FAM184B: variants seen among roughly 807,000 people sequenced by gnomAD.
The protein encoded by FAM184B is protein FAM184B.
Under a neutral mutation model 135.9 loss-of-function variants are expected in FAM184B, and 111 were observed. That is an observed-to-expected ratio of 0.82 (90% confidence interval 0.70 to 0.96). The LOEUF (loss-of-function observed/expected upper bound fraction) is 0.96. Among genes scored for constraint, FAM184B ranks in the 40% least tolerant of loss-of-function variants. The pLI is 0.00. For synonymous variants in FAM184B, 552 were observed against 524.8 expected (o/e 1.05, Z -0.71); for missense variants, 1,375 against 1,323.9 (o/e 1.04, Z -0.60).
chr4:17,750,063 T>G (rs1051817798), intron 1 of FAM184B, among the ~76,000 whole-genome samples: 1 of 152,238 alleles, frequency 6.6e-6, no homozygotes, highest in Non-Finnish European at 1.5e-5. Flanking sequence ...AAGATCTGCA[T>G]TAAAGCTTTT....
intron 1 of FAM184B, among the ~76,000 whole-genome samples, chr4:17,718,622 G>A (rs1032474733): frequency 6.6e-6 from 1 of 152,206 alleles, no homozygotes; most frequent in Non-Finnish European, 1.5e-5. Context: ...GGGAATGTGA[G>A]TGGACTTGTT....
At chr4:17,675,906 G>A (rs895869723) in intron 7 of FAM184B, among the ~76,000 whole-genome samples, 30 of 152,290 alleles carry the variant, frequency 2.0e-4, no homozygotes, top group Admixed American at 5.2e-4. Context: ...GAATGTTGTG[G>A]CTGGTTTGAT....
In FAM184B at chr4:17,717,326, G is replaced by C. The variant is rs796904971; in HGVS notation, c.142-7682C>G. Among the ~76,000 whole-genome samples the C allele has an allele frequency of 9.7e-4, 148 of 152,266 alleles. 1 individual carries two copies. The highest frequency in any genetic ancestry group is 3.2e-3 in the African/African-American group (135 of 41,546). Reference sequence around the variant, plus strand: ...TCCAAAGGAAAGGTCCCATGTTTTAGAGACACAATCTCCTCCAACTTGTTC... The same window carrying C: ...TCCAAAGGAAAGGTCCCATGTTTTACAGACACAATCTCCTCCAACTTGTTC... On this transcript the variant is annotated intron_variant, in intron 1 of 17. Transcript: ENST00000265018.
At chr4:17,673,506 G>A (rs930256877) in intron 7 of FAM184B, among the ~76,000 whole-genome samples, 1 of 152,112 alleles carries the variant, frequency 6.6e-6, no homozygotes, top group Non-Finnish European at 1.5e-5. Flanking sequence ...CAAAAATGTG[G>A]AACCAACCCA....
At position 17,748,993 on chromosome 4, in the gene FAM184B, A is replaced by ATT. The variant is rs35520026; in HGVS notation, c.141+32164_141+32165dup. Among the ~76,000 whole-genome samples, 448 of 128,178 alleles carry ATT rather than the reference A, an allele frequency of 3.5e-3. 1 individual carries two copies. The highest frequency in any genetic ancestry group is 0.012 in the African/African-American group (399 of 33,846). 84.1% of individuals were successfully genotyped at this position (128,178 alleles called of 152,430 possible). A position where few individuals can be genotyped will look rare whatever the true frequency, so the allele number is the denominator to read the frequency against. On this transcript the variant is annotated intron_variant, in intron 1 of 17. Coordinates refer to ENST00000265018, the MANE Select transcript of FAM184B (RefSeq NM_015688.2). The stretch of plus-strand genomic sequence containing the variant: ...AGGTGCTTGCCAGCACACCCAGCTA[A>ATT]TTTTTTTTTTTTTTTTTTTTTTAAG...
At position 17,709,143 on chromosome 4, in the gene FAM184B, C is replaced by T. The variant is rs1281355068; in HGVS notation, c.643G>A (p.Ala215Thr). The T allele has an allele frequency of 6.5e-7, 1 of 1,548,370 alleles. No homozygotes were observed. Among genetic ancestry groups the T allele is most frequent in the Admixed American group, 2.0e-5 (1 of 51,000 alleles). ...GCCTGCAGCTCCTCGGCCTTGCGGG[C>T]GTAGTCCTTGCTCAGCTGCTGGTTC... ...VENQQLSKDY[A>T]RKAEELQATY... Residue 215 changes from alanine (A) to threonine (T), a missense_variant, in exon 2 of 18, where the codon GCC (alanine) becomes ACC (threonine). By Grantham distance (58) the Ala-to-Thr change is moderately conservative (BLOSUM62 0). Transcript: ENST00000265018.
intron 15 of FAM184B, among the ~76,000 whole-genome samples, chr4:17,635,629 C>T (rs890070240): frequency 6.6e-6 from 1 of 151,012 alleles, no homozygotes. Context: ...CATAATTTTT[C>T]TCTGTAAAAA....
intron 1 of FAM184B, among the ~76,000 whole-genome samples, chr4:17,760,165 T>A (rs1718513090): frequency 6.6e-6 from 1 of 152,172 alleles, no homozygotes; most frequent in South Asian, 2.1e-4. Context: ...ATCAATCTTG[T>A]AGATTAAGAA....
At chr4:17,638,498 A>G (rs1415583757) in intron 14 of FAM184B, among the ~76,000 whole-genome samples, 1 of 151,972 alleles carries the variant, frequency 6.6e-6, no homozygotes, top group African/African-American at 2.4e-5. Context: ...CACCAAGCAC[A>G]GCCTGTTTGC....
Position 17,647,784 on chromosome 4 carries a change from G to A in FAM184B, c.2199C>T (p.Leu733=). Residue 733 remains leucine (L), a synonymous_variant, in exon 12 of 18, where the codon CTC becomes CTT. Coordinates refer to ENST00000265018, the MANE Select transcript of FAM184B (RefSeq NM_015688.2). ...CTTGCTGCTCCGACAGCTCCTGTCT[G>A]AGCGACTCTGGAAAAGGGAGAGCAG... ...QAQQALLLES[L]RQELSEQQAA... is the part of the protein sequence containing the mutation. 2 of 1,550,028 alleles carry A rather than the reference G, an allele frequency of 1.3e-6. No individual in the cohort carries two copies. Among genetic ancestry groups the A allele is most frequent in the Non-Finnish European group, 1.7e-6 (2 of 1,146,678 alleles).
chr4:17,647,421 A>AT lies in FAM184B; in HGVS notation c.2346+215dup, dbSNP rs529404328. 8.6e-5 allele frequency among the ~76,000 whole-genome samples: 13 copies of AT among 150,684 alleles called. No individual in the cohort carries two copies. The East Asian group carries it at 9.8e-4, about 11-fold the overall frequency. On this transcript the variant is annotated intron_variant, in intron 12 of 17. Transcript: ENST00000265018. ...TGCCACCACGCCCAGCTAATTTTCA[A>AT]TTTTTTTTTGTAGAGATATAGTCTT...
At chr4:17,739,553 C>CTTTTTTTTT (rs1560190028) in intron 1 of FAM184B, among the ~76,000 whole-genome samples, 1 of 8,680 alleles carries the variant, frequency 1.2e-4, no homozygotes, top group Non-Finnish European at 3.3e-4. Context: ...GTCATACCAA[C>CTTTTTTTTT]TGTTTTTTTT....
intron 13 of FAM184B, among the ~76,000 whole-genome samples, 197 bp downstream of exon 13, chr4:17,641,859 C>T (rs940355739): frequency 6.6e-6 from 1 of 151,950 alleles, no homozygotes; most frequent in Admixed American, 6.6e-5. Flanking sequence ...ATTTCTGGAG[C>T]TCTGGGACTT....
intron 7 of FAM184B, among the ~76,000 whole-genome samples, chr4:17,666,920 A>G (rs1351540280): frequency 1.3e-5 from 2 of 150,876 alleles, no homozygotes; most frequent in African/African-American, 4.9e-5. Context: ...TCTCTCCCAT[A>G]CTTGCCCTAC....
At chr4:17,716,720 C>T (rs1717406984) in intron 1 of FAM184B, among the ~76,000 whole-genome samples, 1 of 152,200 alleles carries the variant, frequency 6.6e-6, no homozygotes, top group Admixed American at 6.5e-5. Flanking sequence ...TCAATCATTT[C>T]AATTACATTC....
At chr4:17,742,162 ATATATATTTT>A (rs1373050938) in intron 1 of FAM184B, among the ~76,000 whole-genome samples, 10 of 3,288 alleles carry the variant, frequency 3.0e-3, no homozygotes, top group East Asian at 0.011. Flanking sequence ...ATATATATAT[ATATATATTTT>A]TTTTTTTTAA....
intron 13 of FAM184B, among the ~76,000 whole-genome samples, 174 bp from the exon 14 acceptor site, chr4:17,639,570 A>G (rs1715247913): frequency 1.3e-5 from 2 of 152,156 alleles, no homozygotes; most frequent in African/African-American, 4.8e-5. Context: ...TGTGGAGTCC[A>G]GGACAAACCC....
intron 1 of FAM184B, among the ~76,000 whole-genome samples, chr4:17,722,841 G>A (rs1175379948): frequency 6.6e-6 from 1 of 152,136 alleles, no homozygotes; most frequent in East Asian, 1.9e-4. Context: ...ATGTGTATGC[G>A]TGAATGATTT....
chr4:17,635,077 C>T lies in FAM184B; in HGVS notation c.2821G>A (p.Ala941Thr), dbSNP rs1355084509. The T allele has an allele frequency of 1.3e-6, 2 of 1,551,726 alleles. No individual in the cohort carries two copies. The highest frequency in any genetic ancestry group is 1.7e-6 in the Non-Finnish European group (2 of 1,146,970). The change falls in exon 16 of 18, where the codon GCC becomes ACC. Residue 941 changes from alanine (A) to threonine (T), a missense_variant. Transcript: ENST00000265018. ...AAAGACCGATTCCGGTGGGACATGG[C>T]ACTGGGGAATGCTGCGTAGTGAAAT... ...RRFHYAAFPS[A>T]MSHRNRSFSF...
Sources: gnomAD v4.1 joint callset for allele counts (sites outside exome capture counted in the v4.1 genomes callset) on GRCh38, gnomAD v4.1.1 for gene constraint, MANE v1.5 for transcripts, NCBI Gene and HGNC (gene_info 2026-07-23, HGNC 2026-07-21) for gene names.